The following PRPF18 variants were observed in gnomAD, a reference collection of about 807,000 sequenced individuals.
PRPF18 encodes pre-mRNA processing factor 18, also known as pre-mRNA-splicing factor 18.
A neutral mutation model predicts 46.5 loss-of-function variants in PRPF18; 38 were observed. That is an observed-to-expected ratio of 0.82 (90% CI 0.63 to 1.07). The LOEUF (loss-of-function observed/expected upper bound fraction) is 1.07, where lower values mean the gene tolerates loss of function less well. Ranked by LOEUF, PRPF18 falls within the 50% of genes least tolerant of loss-of-function variation. The probability of loss-of-function intolerance (pLI) is 0.00; values close to 1 mark genes in which losing one functional copy is unlikely to be tolerated. For synonymous variants in PRPF18, 152 were observed against 146.7 expected, an observed-to-expected ratio of 1.04 and a Z score of -0.26; for missense variants, 263 against 410.0, an observed-to-expected ratio of 0.64 and a Z score of 3.10.
At chr10:13,634,434 C>T (rs1040256339), downstream of PRPF18, among the ~76,000 whole-genome samples, 2 of 152,202 alleles carry the variant, frequency 1.3e-5, no homozygotes, top group Admixed American at 6.5e-5. Context: ...AGCTTCAGGC[C>T]GGGACAGTCA....
chr10:13,602,134 A>T (rs2080120908), intron 3 of PRPF18, among the ~76,000 whole-genome samples: 1 of 152,208 alleles, frequency 6.6e-6, no homozygotes, highest in South Asian at 2.1e-4. Flanking sequence ...TCAACTCTTT[A>T]TTTTAAAATG....
At chr10:13,616,159 T>C (rs1469041684) in intron 8 of PRPF18, among the ~76,000 whole-genome samples, 1 of 152,236 alleles carries the variant, frequency 6.6e-6, no homozygotes, top group African/African-American at 2.4e-5. Context: ...GCCTTTTTTT[T>C]ACTCACAACC....
chr10:13,620,959 G>T (rs1238953125), intron 9 of PRPF18, among the ~76,000 whole-genome samples: 1 of 152,200 alleles, frequency 6.6e-6, no homozygotes, highest in East Asian at 1.9e-4. Context: ...GGTAGAAATT[G>T]GTGGTAGTAG....
At chr10:13,606,755 A>G (rs2080191661) in intron 4 of PRPF18, among the ~76,000 whole-genome samples, 1 of 151,504 alleles carries the variant, frequency 6.6e-6, no homozygotes, top group African/African-American at 2.4e-5. Flanking sequence ...AAAAAAAAAA[A>G]AAACAGGGAT....
the PRPF18 span, chr10:13,644,861 C>A: frequency 6.6e-6 from 1 of 152,226 alleles, no homozygotes; most frequent in East Asian, 1.9e-4. Flanking sequence ...AAAAATATCC[C>A]CCAGTGAATC....
chr10:13,651,374 A>T, the PRPF18 span: 2 of 153,150 alleles, frequency 1.3e-5, no homozygotes, highest in Non-Finnish European at 1.5e-5. Flanking sequence ...TTTCAGGGAC[A>T]CTGATTACTC....
Position 13,610,117 on chromosome 10 carries a change from C to T in PRPF18, c.442C>T (p.Pro148Ser), listed in dbSNP as rs747341462. The change falls in exon 5 of 10, where the codon CCT becomes TCT. Residue 148 changes from proline (P) to serine (S), a missense_variant. Transcript: ENST00000378572. ...CAATGAAATCGTCGGCGGTCAGGAG[C>T]CTGGAGAGGAAGACACACAGAATGA... ...YLNEIVGGQE[P>S]GEEDTQNDLK... 1 of 1,613,910 alleles carries T rather than the reference C, an allele frequency of 6.2e-7. No individual in the cohort carries two copies. Among genetic ancestry groups the T allele is most frequent in the Non-Finnish European group, 8.5e-7 (1 of 1,179,862 alleles).
At chr10:13,595,308 T>C (rs1443205041) in intron 1 of PRPF18, among the ~76,000 whole-genome samples, 1 of 152,252 alleles carries the variant, frequency 6.6e-6, no homozygotes, top group Admixed American at 6.5e-5. Context: ...TTGTTAGGTG[T>C]GTTCAATGGA....
intron 1 of PRPF18, 107 bp downstream of exon 1, chr10:13,587,259 G>A: frequency 8.1e-7 from 1 of 1,237,828 alleles, no homozygotes; most frequent in Non-Finnish European, 1.2e-6. Flanking sequence ...CGGGGACGGG[G>A]CTTAGCGAGT....
At chr10:13,639,265 C>G in the PRPF18 span, 6 of 152,220 alleles carry the variant, frequency 3.9e-5, no homozygotes, top group African/African-American at 1.4e-4. Context: ...CATCAAGATT[C>G]TGAATCACTC....
intron 6 of PRPF18, 65 bp downstream of exon 6, chr10:13,611,748 G>C: frequency 6.9e-7 from 1 of 1,442,464 alleles, no homozygotes; most frequent in Non-Finnish European, 9.7e-7. Flanking sequence ...TATATTTTTG[G>C]ATTACCAAGG....
At chr10:13,650,398 A>ACATGTATGCATGAGCATGAACT in the PRPF18 span, among the ~76,000 whole-genome samples, 3 of 152,102 alleles carry the variant, frequency 2.0e-5, no homozygotes, top group African/African-American at 7.2e-5. Flanking sequence ...CTGCATGTGC[A>ACATGTATGCATGAGCATGAACT]CATGTATGCA....
intron 3 of PRPF18, among the ~76,000 whole-genome samples, chr10:13,603,172 A>G (rs1399301675): frequency 2.6e-5 from 4 of 152,096 alleles, no homozygotes; most frequent in African/African-American, 9.6e-5. Context: ...AGTAGTAGAC[A>G]TGATATGGGG....
chr10:13,643,406 C>G, the PRPF18 span: 6 of 152,308 alleles, frequency 3.9e-5, no homozygotes, highest in East Asian at 1.9e-4. Flanking sequence ...GAGATAGTAT[C>G]CTCATAAAGA....
chr10:13,611,719 G>GC, intron 6 of PRPF18, 36 bp downstream of exon 6: 1 of 1,561,406 alleles, frequency 6.4e-7, no homozygotes, highest in Non-Finnish European at 8.8e-7. Flanking sequence ...GGATGCCTTG[G>GC]ATCCTTATGA....
At chr10:13,592,088 C>G in intron 1 of PRPF18, 1 of 586,606 alleles carries the variant, frequency 1.7e-6, no homozygotes, top group Non-Finnish European at 3.1e-6. Flanking sequence ...TCTTTTCAAC[C>G]TCGTACTTAG....
At chr10:13,612,010 G>A (rs1261957689) in intron 6 of PRPF18, among the ~76,000 whole-genome samples, 1 of 151,782 alleles carries the variant, frequency 6.6e-6, no homozygotes, top group Non-Finnish European at 1.5e-5. Context: ...CTCCTGAGTA[G>A]CTGGGATTAC....
the PRPF18 span, chr10:13,641,797 C>T: frequency 6.6e-6 from 1 of 152,248 alleles, no homozygotes; most frequent in African/African-American, 2.4e-5. Flanking sequence ...TGCAGGGAGT[C>T]ATCGTTGACC....
chr10:13,655,120 C>T, the PRPF18 span: 3 of 152,360 alleles, frequency 2.0e-5, no homozygotes, highest in African/African-American at 7.2e-5. Context: ...ATGTAGGCAG[C>T]ATGGAAGTCC....
Sources: allele counts gnomAD v4.1 joint callset (sites outside exome capture counted in the v4.1 genomes callset), GRCh38; gene constraint gnomAD v4.1.1; transcripts MANE v1.5; gene names NCBI Gene and HGNC (gene_info 2026-07-23, HGNC 2026-07-21).